CFAP20DC: variants seen among roughly 807,000 people sequenced by gnomAD.
CFAP20DC encodes the protein protein CFAP20DC.
A neutral mutation model predicts 101.7 loss-of-function variants in CFAP20DC; 84 were observed. The observed-to-expected ratio is 0.83, with a 90% confidence interval of 0.69 to 0.99. The LOEUF is 0.99. CFAP20DC is among the 50% of genes least tolerant of loss of function. The probability of loss-of-function intolerance (pLI) is 0.00; values close to 1 mark genes in which losing one functional copy is unlikely to be tolerated. For missense variants in CFAP20DC, 1,007 were observed against 970.3 expected, an observed-to-expected ratio of 1.04 and a Z score of -0.50; for synonymous variants, 359 against 351.2, an observed-to-expected ratio of 1.02 and a Z score of -0.25.
intron 15 of CFAP20DC, among the ~76,000 whole-genome samples, chr3:58,794,976 G>A (rs1453692968): frequency 1.3e-5 from 2 of 152,206 alleles, no homozygotes; most frequent in African/African-American, 2.4e-5. Context: ...GAGATCATGA[G>A]TCTACGGATG....
At chr3:58,956,794 A>G (rs1454708222) in intron 4 of CFAP20DC, among the ~76,000 whole-genome samples, 1 of 152,226 alleles carries the variant, frequency 6.6e-6, no homozygotes, top group East Asian at 1.9e-4. Context: ...CCATCATGGC[A>G]GAAGGGGAAG....
chr3:58,772,640 A>C lies in CFAP20DC; in HGVS notation c.2238-18777T>G, dbSNP rs180780112. On this transcript the variant is annotated intron_variant, in intron 15 of 16. Coordinates refer to ENST00000482387, the MANE Select transcript of CFAP20DC (RefSeq NM_001394063.1). ...ATATGCAAATGAAGATGTTTATTACAGCACTGTCTACAGCAACAAAGAGCT... is the reference window on the plus strand; with the variant it reads ...ATATGCAAATGAAGATGTTTATTACCGCACTGTCTACAGCAACAAAGAGCT... 2.2e-3 allele frequency among the ~76,000 whole-genome samples: 332 copies of C among 152,338 alleles called. 4 individuals carry two copies. The highest frequency in any genetic ancestry group is 7.6e-3 in the African/African-American group (317 of 41,580).
chr3:58,770,849 A>G (rs897433078), intron 15 of CFAP20DC, among the ~76,000 whole-genome samples: 2 of 152,178 alleles, frequency 1.3e-5, no homozygotes, highest in Non-Finnish European at 1.5e-5. Flanking sequence ...AAGGTCAGTT[A>G]GGTGCTTGTT....
At chr3:58,750,410 G>C (rs2068487321) in intron 16 of CFAP20DC, among the ~76,000 whole-genome samples, 1 of 152,132 alleles carries the variant, frequency 6.6e-6, no homozygotes, top group South Asian at 2.1e-4. Context: ...GATAATAATA[G>C]CATCCACACC....
chr3:58,935,658 A>C (rs2087461616), intron 5 of CFAP20DC, among the ~76,000 whole-genome samples: 1 of 152,200 alleles, frequency 6.6e-6, no homozygotes, highest in Admixed American at 6.5e-5. Flanking sequence ...AACCTGAGAA[A>C]AACAGCAATG....
intron 13 of CFAP20DC, among the ~76,000 whole-genome samples, chr3:58,844,367 C>T (rs1474082502): frequency 5.8e-5 from 8 of 138,902 alleles, no homozygotes; most frequent in Admixed American, 5.6e-4. Flanking sequence ...CAATCCTAGT[C>T]TCTGATAAAA....
At chr3:59,012,232 T>C (rs1180302391) in intron 4 of CFAP20DC, among the ~76,000 whole-genome samples, 1 of 152,132 alleles carries the variant, frequency 6.6e-6, no homozygotes, top group East Asian at 1.9e-4. Context: ...TTTTGAAGAA[T>C]GAGTGGGATT....
intron 14 of CFAP20DC, among the ~76,000 whole-genome samples, chr3:58,808,581 GA>G (rs1297540276): frequency 1.3e-5 from 2 of 152,150 alleles, no homozygotes; most frequent in Non-Finnish European, 2.9e-5. Flanking sequence ...ACATGGAAAG[GA>G]CCAACCAGTA....
intron 2 of CFAP20DC, among the ~76,000 whole-genome samples, chr3:59,046,667 C>T (rs1238434745): frequency 1.3e-5 from 2 of 152,058 alleles, no homozygotes; most frequent in Non-Finnish European, 2.9e-5. Context: ...GTAGAACAGT[C>T]AATGGCCTAA....
chr3:58,929,668 G>C (rs2086369668), intron 5 of CFAP20DC, among the ~76,000 whole-genome samples: 1 of 151,732 alleles, frequency 6.6e-6, no homozygotes, highest in Non-Finnish European at 1.5e-5. Flanking sequence ...TTTATTACAG[G>C]GCTGCCAATC....
intron 4 of CFAP20DC, among the ~76,000 whole-genome samples, chr3:58,976,659 A>G (rs2092291362): frequency 6.6e-6 from 1 of 152,046 alleles, no homozygotes; most frequent in African/African-American, 2.4e-5. Context: ...GCTGATGGGG[A>G]AAAAAACAGA....
At chr3:58,888,267 T>C (rs1477625679) in intron 6 of CFAP20DC, among the ~76,000 whole-genome samples, 1 of 152,232 alleles carries the variant, frequency 6.6e-6, no homozygotes, top group Non-Finnish European at 1.5e-5. Context: ...CAAATATTTA[T>C]TGAGGCTCTA....
chr3:58,737,305 CACACACACACACACACAG>C, downstream of CFAP20DC: 1 of 381,464 alleles, frequency 2.6e-6, no homozygotes, highest in Non-Finnish European at 5.2e-6. This position sits in a 1 kb window ranked among gnomAD's most constrained non-coding sequence, Gnocchi z 4.1. Context: ...AAATCTCTCT[CACACACACACACACACAG>C]ACACACACCC....
chr3:58,917,719 A>G (rs545790723), intron 5 of CFAP20DC, among the ~76,000 whole-genome samples: 39 of 152,308 alleles, frequency 2.6e-4, no homozygotes, highest in African/African-American at 8.4e-4. Context: ...GTGTTTAATA[A>G]GTGGTATAAG....
chr3:58,991,840 T>C (rs886426446), intron 4 of CFAP20DC, among the ~76,000 whole-genome samples: 4 of 152,168 alleles, frequency 2.6e-5, no homozygotes, highest in African/African-American at 9.7e-5. Context: ...CAGGTACTGG[T>C]CTGTGGCCCA....
intron 14 of CFAP20DC, among the ~76,000 whole-genome samples, chr3:58,819,309 A>G (rs2075434157): frequency 6.6e-6 from 1 of 152,178 alleles, no homozygotes; most frequent in African/African-American, 2.4e-5. Flanking sequence ...AACTGAAGGA[A>G]ATAGAGACAC....
intron 3 of CFAP20DC, among the ~76,000 whole-genome samples, chr3:59,042,848 C>T (rs1699515187): frequency 6.6e-6 from 1 of 152,128 alleles, no homozygotes; most frequent in African/African-American, 2.4e-5. Context: ...TGATCAGACT[C>T]TCAACCTATT....
intron 13 of CFAP20DC, among the ~76,000 whole-genome samples, chr3:58,835,494 T>A (rs960730194): frequency 2.0e-5 from 3 of 152,208 alleles, no homozygotes; most frequent in African/African-American, 7.2e-5. Flanking sequence ...AGAAATAGAT[T>A]GATTCGTTAA....
rs149154259 is a variant in CFAP20DC, at chr3:58,964,413, C to T, written c.279-26651G>A. On this transcript the variant is annotated intron_variant, in intron 4 of 16. Coordinates refer to ENST00000482387, the MANE Select transcript of CFAP20DC (RefSeq NM_001394063.1). This position sits in a 1 kb window ranked among gnomAD's most constrained non-coding sequence, Gnocchi z 4.1. ...TTCCTTATCACTCATGCACACAACC[C>T]TTTTCATGAATATTCATAGCTCCCC... Among the ~76,000 whole-genome samples, 3 of 152,208 alleles carry T rather than the reference C, an allele frequency of 2.0e-5. No homozygotes were observed. Among genetic ancestry groups the T allele is most frequent in the African/African-American group, 7.2e-5 (3 of 41,458 alleles).
Sources: allele counts gnomAD v4.1 joint callset (sites outside exome capture counted in the v4.1 genomes callset), GRCh38; gene constraint gnomAD v4.1.1; non-coding constraint Gnocchi (gnomAD v3.1); transcripts MANE v1.5; gene names NCBI Gene and HGNC (gene_info 2026-07-23, HGNC 2026-07-21).